The following HECW2 variants were observed in gnomAD, a reference collection of about 807,000 sequenced individuals.
The protein encoded by HECW2 is HECT, C2 and WW domain containing E3 ubiquitin protein ligase 2, also known as E3 ubiquitin-protein ligase HECW2.
Under a neutral mutation model 175.2 loss-of-function variants are expected in HECW2, and 61 were observed. The ratio of observed to expected loss-of-function variants is 0.35; its 90% CI spans 0.28 to 0.43. The LOEUF is 0.43. Ranked by LOEUF, HECW2 falls within the 20% of genes least tolerant of loss-of-function variation. The probability of loss-of-function intolerance (pLI) is 1.00; values close to 1 mark genes in which losing one functional copy is unlikely to be tolerated. For synonymous variants in HECW2, 671 were observed against 731.0 expected (o/e 0.92, Z 1.32); for missense variants, 1,524 against 2,000.5 (o/e 0.76, Z 4.54).
chr2:196,354,711 A>G (rs556949871), intron 2 of HECW2, among the ~76,000 whole-genome samples: 2 of 152,364 alleles, frequency 1.3e-5, no homozygotes, highest in South Asian at 4.1e-4. Context: ...AATTCTTGGT[A>G]AGCATTATCA....
chr2:196,384,180 CT>C (rs1694285004), intron 2 of HECW2, among the ~76,000 whole-genome samples: 1 of 152,176 alleles, frequency 6.6e-6, no homozygotes, highest in Admixed American at 6.5e-5. Flanking sequence ...TACTCATTCA[CT>C]TGGCAATAAA....
Position 196,433,415 on chromosome 2 carries a change from A to T in HECW2, c.9T>A (p.Ser3Arg). 1 of 1,613,206 alleles carries T rather than the reference A, an allele frequency of 6.2e-7. No individual in the cohort carries two copies. Among genetic ancestry groups the T allele is most frequent in the Non-Finnish European group, 8.5e-7 (1 of 1,179,462 alleles). The change falls in exon 2 of 29, where the codon AGT becomes AGA. Residue 3 changes from serine to arginine, a missense_variant. By Grantham distance (110) the Ser-to-Arg change is moderately radical. Around this residue, in one of 11 missense-constraint regions of HECW2, gnomAD observed 135 missense variants for 214.6 expected, o/e 0.63. Coordinates refer to ENST00000644978, the MANE Select transcript of HECW2 (RefSeq NM_001348768.2). ...CAAAAAGCAGGTGCTCCCGGGCTGA[A>T]CTAGCCATCCCGTCTGCTTCTCTGG... MA[S>R]SAREHLLFVR...
At chr2:196,469,459 T>A (rs1697108504) in intron 1 of HECW2, among the ~76,000 whole-genome samples, 1 of 152,086 alleles carries the variant, frequency 6.6e-6, no homozygotes, top group Admixed American at 6.5e-5. Context: ...TATAGTTTAT[T>A]CCTGAATCAC....
chr2:196,467,517 G>A (rs527359478), intron 1 of HECW2, among the ~76,000 whole-genome samples: 1 of 152,108 alleles, frequency 6.6e-6, no homozygotes, highest in Non-Finnish European at 1.5e-5. Context: ...TCTATGATGC[G>A]CTTACAGTCA....
intron 28 of HECW2, among the ~76,000 whole-genome samples, chr2:196,203,872 C>T (rs2105763385): frequency 6.6e-6 from 1 of 152,256 alleles, no homozygotes; most frequent in South Asian, 2.1e-4. Flanking sequence ...ACTCCCATTT[C>T]CTCTCCCCCT....
intron 1 of HECW2, among the ~76,000 whole-genome samples, chr2:196,497,374 TAA>T (rs997165761): frequency 2.0e-5 from 3 of 152,198 alleles, no homozygotes; most frequent in Non-Finnish European, 2.9e-5. Flanking sequence ...GAGTAAATAT[TAA>T]GTTTGCATTC....
chr2:196,436,261 C>T (rs1261537792), intron 1 of HECW2, among the ~76,000 whole-genome samples: 3 of 151,982 alleles, frequency 2.0e-5, no homozygotes, highest in Admixed American at 6.6e-5. Flanking sequence ...ATTAGCCAGG[C>T]GTGGTGGCGG....
intron 2 of HECW2, among the ~76,000 whole-genome samples, chr2:196,403,319 C>T (rs1017026224): frequency 1.3e-5 from 2 of 152,176 alleles, no homozygotes; most frequent in East Asian, 3.9e-4. Context: ...TGTTCAGGAA[C>T]ATGATCACAG....
At chr2:196,477,197 A>C (rs181605974) in intron 1 of HECW2, among the ~76,000 whole-genome samples, 4 of 152,172 alleles carry the variant, frequency 2.6e-5, no homozygotes, top group Admixed American at 2.6e-4. Flanking sequence ...ACTTATTAAA[A>C]GAAAAAGCTA....
chr2:196,335,871 G>A (rs149522097), intron 3 of HECW2, among the ~76,000 whole-genome samples: 334 of 152,292 alleles, frequency 2.2e-3, no homozygotes, highest in African/African-American at 7.6e-3. Context: ...AGGGAATCAA[G>A]GAAAGGTTTC....
chr2:196,295,004 A>C (rs1273639357), intron 13 of HECW2, among the ~76,000 whole-genome samples: 1 of 152,216 alleles, frequency 6.6e-6, no homozygotes, highest in Non-Finnish European at 1.5e-5. Flanking sequence ...TAAAGGAAAG[A>C]AGAAAGGAAG....
At chr2:196,277,905 A>G (rs1030087154) in intron 15 of HECW2, among the ~76,000 whole-genome samples, 1 of 137,488 alleles carries the variant, frequency 7.3e-6, no homozygotes, top group Non-Finnish European at 1.5e-5. Context: ...GCATATTCTC[A>G]CTCATAGGTG....
intron 13 of HECW2, among the ~76,000 whole-genome samples, chr2:196,304,715 T>C (rs1691196133): frequency 6.6e-6 from 1 of 152,224 alleles, no homozygotes; most frequent in South Asian, 2.1e-4. Flanking sequence ...CATTCTGCCT[T>C]GCATGAAAGC....
chr2:196,360,017 T>A (rs1256259426), intron 2 of HECW2, among the ~76,000 whole-genome samples: 1 of 152,036 alleles, frequency 6.6e-6, no homozygotes, highest in Non-Finnish European at 1.5e-5. Context: ...GGCAGGAGGA[T>A]TGCTTGAGCC....
At chr2:196,575,838 C>T (rs944164890) in intron 1 of HECW2, among the ~76,000 whole-genome samples, 2 of 151,506 alleles carry the variant, frequency 1.3e-5, no homozygotes, top group African/African-American at 4.9e-5. Context: ...AGCAAGAGAG[C>T]TGCCAAGCTC....
intron 28 of HECW2, among the ~76,000 whole-genome samples, chr2:196,206,867 GGCCCT>G (rs1687086792): frequency 6.6e-6 from 1 of 152,156 alleles, no homozygotes; most frequent in East Asian, 1.9e-4. Context: ...GGCTATTAGT[GGCCCT>G]GCATACAAAC....
chr2:196,500,539 G>A lies in HECW2; in HGVS notation c.-35-67081C>T, dbSNP rs563211538. Among the ~76,000 whole-genome samples, 35 of 150,282 alleles carry A rather than the reference G, an allele frequency of 2.3e-4. 1 individual carries two copies. The South Asian group carries it at 7.2e-3, about 31-fold the overall frequency. ...GAATGGAAAACTTTTGAGTTTCAAA[G>A]AACAATAAAATTCCAAAAACATTTT... On this transcript the variant is annotated intron_variant, in intron 1 of 28. Transcript: ENST00000644978.
chr2:196,349,542 C>T (rs867521121), intron 2 of HECW2, among the ~76,000 whole-genome samples: 94 of 129,260 alleles, frequency 7.3e-4, no homozygotes, highest in African/African-American at 2.4e-3. Context: ...TGTGTGTGCG[C>T]GCGCACACAT....
At chr2:196,466,058 G>A (rs992434301) in intron 1 of HECW2, among the ~76,000 whole-genome samples, 2 of 152,084 alleles carry the variant, frequency 1.3e-5, no homozygotes, top group Admixed American at 6.5e-5. Context: ...TTTTAGAAAC[G>A]ACCATATTTA....
Sources: allele counts gnomAD v4.1 joint callset (sites outside exome capture counted in the v4.1 genomes callset), GRCh38; gene constraint gnomAD v4.1.1; regional missense constraint gnomAD v4.1.1; transcripts MANE v1.5; gene names NCBI Gene and HGNC (gene_info 2026-07-23, HGNC 2026-07-21).